SPOPL: variants seen among roughly 807,000 people sequenced by gnomAD.
SPOPL encodes speckle type BTB/POZ protein like.
SPOPL carries 23 observed loss-of-function variants against 53.8 expected under a neutral mutation model. The ratio of observed to expected loss-of-function variants is 0.43; its 90% CI spans 0.31 to 0.61. The LOEUF (loss-of-function observed/expected upper bound fraction) is 0.61. SPOPL is among the 20% of genes least tolerant of loss of function. SPOPL has a pLI of 0.12. For missense variants in SPOPL, 442 were observed against 466.9 expected, an observed-to-expected ratio of 0.95 and a Z score of 0.49; for synonymous variants, 164 against 149.7, an observed-to-expected ratio of 1.10 and a Z score of -0.70.
intron 1 of SPOPL, among the ~76,000 whole-genome samples, chr2:138,523,327 G>A (rs1373378209): frequency 6.6e-6 from 1 of 152,074 alleles, no homozygotes; most frequent in Non-Finnish European, 1.5e-5. Context: ...CCATGATTTA[G>A]TCATCTCCCA....
At chr2:138,521,134 T>C (rs908392607) in intron 1 of SPOPL, among the ~76,000 whole-genome samples, 2 of 152,212 alleles carry the variant, frequency 1.3e-5, no homozygotes, top group African/African-American at 4.8e-5. Flanking sequence ...GTAGTTGGTA[T>C]TTTAAAAGAA....
rs147064369 is a variant in SPOPL at position 138,572,297 on chromosome 2, A to G, written c.*3217A>G. ...AATAAAATTGTTTTAAAATATTAAC[A>G]AAGATCTCAAAAAGTTGTCATGAAC... On this transcript the variant is annotated 3_prime_UTR_variant, in exon 11 of 11. Transcript: ENST00000280098. 14 of 152,652 alleles carry G rather than the reference A, an allele frequency of 9.2e-5. No homozygotes were observed. Among genetic ancestry groups the G allele is most frequent in the Non-Finnish European group, 1.9e-4 (13 of 68,040 alleles). 9.5% of individuals were successfully genotyped at this position (152,652 alleles called of 1,614,324 possible). A position where few individuals can be genotyped will look rare whatever the true frequency, so the allele number is the denominator to read the frequency against.
chr2:138,542,890 T>C (rs1162218464), intron 1 of SPOPL, among the ~76,000 whole-genome samples: 3 of 152,186 alleles, frequency 2.0e-5, no homozygotes, highest in South Asian at 4.1e-4. Flanking sequence ...TTCCTTTCCA[T>C]GTTTAGCGCT....
intron 1 of SPOPL, among the ~76,000 whole-genome samples, chr2:138,536,981 G>A (rs1684950171): frequency 6.6e-6 from 1 of 152,100 alleles, no homozygotes; most frequent in African/African-American, 2.4e-5. Context: ...CTCTTTGTAT[G>A]GAACCCACAG....
At chr2:138,553,425 CAGT>C (rs1685356447) in intron 5 of SPOPL, among the ~76,000 whole-genome samples, 1 of 152,022 alleles carries the variant, frequency 6.6e-6, no homozygotes, top group Admixed American at 6.6e-5. Flanking sequence ...GAATATACAT[CAGT>C]AACAATTTTA....
intron 1 of SPOPL, among the ~76,000 whole-genome samples, chr2:138,538,280 G>A (rs148088887): frequency 6.6e-6 from 1 of 151,972 alleles, no homozygotes; most frequent in Non-Finnish European, 1.5e-5. Context: ...CTCGTTCTCT[G>A]CATCATTGAA....
intron 1 of SPOPL, among the ~76,000 whole-genome samples, chr2:138,540,614 G>T (rs1288241617): frequency 6.6e-6 from 1 of 152,192 alleles, no homozygotes; most frequent in East Asian, 1.9e-4. Context: ...CTTTGCTGAA[G>T]TTGCTTATCA....
chr2:138,550,130 AGT>A, intron 1 of SPOPL, 25 bp from the exon 2 acceptor site: 3 of 1,185,578 alleles, frequency 2.5e-6, no homozygotes, highest in Non-Finnish European at 3.7e-6. Flanking sequence ...CTTTTTAATC[AGT>A]ACATCAAACT....
At chr2:138,523,327 G>C (rs1373378209) in intron 1 of SPOPL, among the ~76,000 whole-genome samples, 1 of 152,074 alleles carries the variant, frequency 6.6e-6, no homozygotes, top group African/African-American at 2.4e-5. Flanking sequence ...CCATGATTTA[G>C]TCATCTCCCA....
rs6714348 is a variant in SPOPL, at chr2:138,531,127, G to A, written c.-60-19030G>A. Among the ~76,000 whole-genome samples, 838 of 151,730 alleles carry A rather than the reference G, an allele frequency of 5.5e-3. 5 individuals carry two copies. The highest frequency in any genetic ancestry group is 0.019 in the African/African-American group (780 of 41,362). On this transcript the variant is annotated intron_variant, in intron 1 of 10. Transcript: ENST00000280098. ...AATTCTGATTTTGATCTAGTCTAAC[G>A]GAGTATTTGGGCTTATGTATAAATG...
intron 1 of SPOPL, among the ~76,000 whole-genome samples, chr2:138,510,183 A>G (rs1342740788): frequency 6.6e-6 from 1 of 152,204 alleles, no homozygotes; most frequent in African/African-American, 2.4e-5. Context: ...GCTATGAACA[A>G]CCTTATGCAG....
At chr2:138,538,779 G>C (rs1684994843) in intron 1 of SPOPL, among the ~76,000 whole-genome samples, 1 of 151,334 alleles carries the variant, frequency 6.6e-6, no homozygotes, top group Non-Finnish European at 1.5e-5. Context: ...TTAAGTTTTA[G>C]GGTTCATGTG....
intron 1 of SPOPL, among the ~76,000 whole-genome samples, chr2:138,549,326 T>C (rs1189832357): frequency 1.3e-5 from 2 of 152,164 alleles, no homozygotes; most frequent in African/African-American, 2.4e-5. Flanking sequence ...AGTCTTGTTT[T>C]GTCTGTGGTA....
intron 8 of SPOPL, among the ~76,000 whole-genome samples, chr2:138,562,590 G>A (rs1685572249): frequency 6.6e-6 from 1 of 151,906 alleles, no homozygotes; most frequent in South Asian, 2.1e-4. Context: ...TTCAAGACCA[G>A]CCTGGCCAAC....
chr2:138,523,758 C>G lies in SPOPL; in HGVS notation c.-61+21639C>G, dbSNP rs116029164. Among the ~76,000 whole-genome samples, 248 of 152,318 alleles carry G rather than the reference C, an allele frequency of 1.6e-3. 1 individual carries two copies. The highest frequency in any genetic ancestry group is 2.8e-3 in the Admixed American group (43 of 15,308). ...AAAATGATCTCCTTTGACTCCATGT[C>G]TTGAATCCAGGCCATGCTGATGCAA... is the stretch of plus-strand genomic sequence containing the variant. On this transcript the variant is annotated intron_variant, in intron 1 of 10. Coordinates refer to ENST00000280098, the MANE Select transcript of SPOPL (RefSeq NM_001001664.3).
intron 1 of SPOPL, among the ~76,000 whole-genome samples, chr2:138,526,950 A>G (rs1573879125): frequency 6.6e-6 from 1 of 151,870 alleles, no homozygotes; most frequent in African/African-American, 2.4e-5. Flanking sequence ...GATCTCAAAC[A>G]CCTGACCTCA....
chr2:138,550,593 C>G lies in SPOPL; in HGVS notation c.189C>G (p.Asp63Glu). Residue 63 changes from aspartate to glutamate, a missense_variant, in exon 3 of 11, where the codon GAC becomes GAG. By Grantham distance (45) the Asp-to-Glu change is conservative. Transcript: ENST00000280098. Reference protein sequence around the residue: ...KSSTFSSGPSDKMKWCLRVNP... With the variant: ...KSSTFSSGPSEKMKWCLRVNP... Reference sequence around the variant, plus strand: ...CAACATTTTCATCTGGCCCAAGTGACAAAATGAAATGGTAAGATTTTTGTT... The same window carrying G: ...CAACATTTTCATCTGGCCCAAGTGAGAAAATGAAATGGTAAGATTTTTGTT... 7 of 1,597,770 alleles carry G rather than the reference C, an allele frequency of 4.4e-6. No individual in the cohort carries two copies. Among genetic ancestry groups the G allele is most frequent in the Non-Finnish European group, 4.3e-6 (5 of 1,171,202 alleles).
chr2:138,540,788 G>C (rs1048695511), intron 1 of SPOPL, among the ~76,000 whole-genome samples: 4 of 152,152 alleles, frequency 2.6e-5, no homozygotes, highest in African/African-American at 4.8e-5. Context: ...TGTTGAATAG[G>C]AGTGGTGAGG....
chr2:138,542,594 C>G (rs983098274), intron 1 of SPOPL, among the ~76,000 whole-genome samples: 12 of 152,054 alleles, frequency 7.9e-5, no homozygotes, highest in Admixed American at 6.6e-4. Context: ...CTTAATAGAT[C>G]TTCCTCCATC....
Sources: gnomAD v4.1 joint callset for allele counts (sites outside exome capture counted in the v4.1 genomes callset) on GRCh38, gnomAD v4.1.1 for gene constraint, MANE v1.5 for transcripts, NCBI Gene and HGNC (gene_info 2026-07-23, HGNC 2026-07-21) for gene names.